CDK14: variants seen among roughly 807,000 people sequenced by gnomAD.
CDK14 encodes the protein cyclin dependent kinase 14.
CDK14 carries 34 observed loss-of-function variants against 60.7 expected under a neutral mutation model. That is an observed-to-expected ratio of 0.56 (90% CI 0.43 to 0.75). The LOEUF is 0.75. Ranked by LOEUF, CDK14 falls within the 30% of genes least tolerant of loss-of-function variation. The probability of loss-of-function intolerance (pLI) is 0.00; values close to 1 mark genes in which losing one functional copy is unlikely to be tolerated. For missense variants in CDK14, 482 were observed against 564.1 expected (o/e 0.85, Z 1.47); for synonymous variants, 197 against 203.7 (o/e 0.97, Z 0.28).
chr7:90,816,897 G>C (rs925020187), intron 5 of CDK14, among the ~76,000 whole-genome samples: 2 of 152,178 alleles, frequency 1.3e-5, no homozygotes, highest in African/African-American at 4.8e-5. Context: ...GAACAAGTGA[G>C]TCCTAGAGCG....
chr7:90,939,352 A>G (rs1259006201), intron 8 of CDK14, among the ~76,000 whole-genome samples: 2 of 152,230 alleles, frequency 1.3e-5, no homozygotes, highest in Non-Finnish European at 2.9e-5. Context: ...ACATTTGTCT[A>G]GTATAGCACA....
At chr7:90,798,839 G>C (rs1399560761) in intron 5 of CDK14, among the ~76,000 whole-genome samples, 1 of 152,170 alleles carries the variant, frequency 6.6e-6, no homozygotes, top group Non-Finnish European at 1.5e-5. Flanking sequence ...GCAGCTTGGA[G>C]AAATTAAGTT....
intron 14 of CDK14, among the ~76,000 whole-genome samples, chr7:91,174,912 A>G (rs1271729640): frequency 4.9e-5 from 7 of 142,332 alleles, no homozygotes; most frequent in African/African-American, 1.9e-4. Context: ...AACTTCCCCA[A>G]TCTAGCAAGG....
chr7:91,019,027 C>G (rs1349301496), intron 10 of CDK14, among the ~76,000 whole-genome samples: 1 of 152,148 alleles, frequency 6.6e-6, no homozygotes, highest in Non-Finnish European at 1.5e-5. Flanking sequence ...CCTGTGAATT[C>G]TGGGGGGACA....
chr7:90,851,164 GA>G (rs951263629), intron 5 of CDK14, among the ~76,000 whole-genome samples: 40 of 152,252 alleles, frequency 2.6e-4, no homozygotes, highest in African/African-American at 9.4e-4. Context: ...TGAGACCTAT[GA>G]CCAAATTCTT....
intron 2 of CDK14, among the ~76,000 whole-genome samples, chr7:90,694,170 A>G (rs559492913): frequency 6.6e-6 from 1 of 152,296 alleles, no homozygotes; most frequent in Non-Finnish European, 1.5e-5. Flanking sequence ...GGTGTTCATT[A>G]TATGATTTTG....
At chr7:91,010,181 T>C (rs1249879826) in intron 10 of CDK14, among the ~76,000 whole-genome samples, 1 of 152,096 alleles carries the variant, frequency 6.6e-6, no homozygotes, top group Non-Finnish European at 1.5e-5. Flanking sequence ...TAATAAGTTT[T>C]GAAAGTTAGG....
intron 2 of CDK14, chr7:90,632,454 C>A: frequency 4.9e-6 from 1 of 202,378 alleles, no homozygotes; most frequent in South Asian, 1.0e-4. Flanking sequence ...AAGATGCCAA[C>A]CTATATGGTT....
chr7:90,775,834 G>C (rs1050799118), intron 4 of CDK14, among the ~76,000 whole-genome samples: 2 of 142,518 alleles, frequency 1.4e-5, no homozygotes, highest in Admixed American at 1.4e-4. Context: ...TTTGTTATTT[G>C]GTGTTTGTTT....
intron 5 of CDK14, among the ~76,000 whole-genome samples, chr7:90,856,467 C>CA (rs1192430201): frequency 6.6e-6 from 1 of 151,832 alleles, no homozygotes. Context: ...ATCACAGTCA[C>CA]AGTGTTTATC....
At chr7:91,060,660 A>G (rs375930973) in intron 11 of CDK14, among the ~76,000 whole-genome samples, 24 of 152,250 alleles carry the variant, frequency 1.6e-4, no homozygotes, top group African/African-American at 5.1e-4. Context: ...CACTTATGAA[A>G]CTTAGTTTGG....
intron 14 of CDK14, among the ~76,000 whole-genome samples, chr7:91,174,080 G>C (rs1184181809): frequency 6.6e-6 from 1 of 152,160 alleles, no homozygotes; most frequent in African/African-American, 2.4e-5. Flanking sequence ...GAAGAGAGCA[G>C]TGGTTCTCCC....
Position 91,173,810 on chromosome 7 carries a change from C to A in CDK14, c.*29-33355C>A, listed in dbSNP as rs533335569. On this transcript the variant is annotated intron_variant, in intron 14 of 14. Transcript: ENST00000380050. ...GCACCTGGCTCGGAGGGTCCTACGC[C>A]CACGGAGTCTCGCTGATTGCTAGCA... Among the ~76,000 whole-genome samples, 7 of 152,314 alleles carry A rather than the reference C, an allele frequency of 4.6e-5. No homozygotes were observed. In the East Asian group the frequency reaches 1.4e-3, roughly 29 times the overall value.
At chr7:91,077,795 C>CA (rs1317633819) in intron 11 of CDK14, among the ~76,000 whole-genome samples, 1 of 149,588 alleles carries the variant, frequency 6.7e-6, no homozygotes, top group Non-Finnish European at 1.5e-5. Context: ...TGATCATATA[C>CA]AAAAAAATTC....
chr7:91,172,877 T>A (rs547002260), intron 14 of CDK14, among the ~76,000 whole-genome samples: 27 of 152,232 alleles, frequency 1.8e-4, no homozygotes, highest in Non-Finnish European at 3.4e-4. Context: ...TTATTAATTA[T>A]ATGTCTCCCC....
chr7:90,804,323 G>C (rs994095476), intron 5 of CDK14, among the ~76,000 whole-genome samples: 2 of 151,908 alleles, frequency 1.3e-5, no homozygotes, highest in Non-Finnish European at 2.9e-5. Flanking sequence ...TCTTTTACCT[G>C]GAAAAAAGAT....
Position 90,596,736 on chromosome 7 carries a change from C to T in CDK14, c.91+18C>T, listed in dbSNP as rs768092183. The T allele has an allele frequency of 1.3e-6, 2 of 1,596,040 alleles. No homozygotes were observed. The highest frequency in any genetic ancestry group is 2.2e-5 in the East Asian group (1 of 44,674). On this transcript the variant is annotated intron_variant, in intron 1 of 14. Coordinates refer to ENST00000380050, the MANE Select transcript of CDK14 (RefSeq NM_001287135.2). The stretch of plus-strand genomic sequence containing the variant: ...TCGCATTGGTGAGTAGCGCGCTGCC[C>T]CCGGCCCCCCCAGCGCCCGCTCCCC...
intron 4 of CDK14, among the ~76,000 whole-genome samples, chr7:90,755,850 T>C (rs962374136): frequency 6.6e-6 from 1 of 152,220 alleles, no homozygotes; most frequent in African/African-American, 2.4e-5. Flanking sequence ...AAATTACTTG[T>C]ACTAAATTTA....
intron 13 of CDK14, among the ~76,000 whole-genome samples, chr7:91,115,552 A>G (rs1294317619): frequency 6.6e-6 from 1 of 152,216 alleles, no homozygotes. Context: ...TAGCACTCTC[A>G]TTCTTAAAGA....
Sources: allele counts gnomAD v4.1 joint callset (sites outside exome capture counted in the v4.1 genomes callset), GRCh38; gene constraint gnomAD v4.1.1; transcripts MANE v1.5; gene names NCBI Gene and HGNC (gene_info 2026-07-23, HGNC 2026-07-21).